The following NAV3 variants were observed in gnomAD, a reference collection of about 807,000 sequenced individuals.
NAV3 encodes the protein pore membrane and/or filament interacting like protein 1.
A neutral mutation model predicts 244.7 loss-of-function variants in NAV3; 87 were observed. The ratio of observed to expected loss-of-function variants is 0.36; its 90% CI spans 0.30 to 0.42. NAV3 has a LOEUF of 0.42. Among genes scored for constraint, NAV3 ranks in the 20% least tolerant of loss-of-function variants. The pLI, the probability that NAV3 is intolerant of heterozygous loss-of-function variation, is 1.00. For missense variants in NAV3, 2,663 were observed against 2,893.3 expected, an observed-to-expected ratio of 0.92 and a Z score of 1.83; for synonymous variants, 1,126 against 1,042.2, an observed-to-expected ratio of 1.08 and a Z score of -1.55.
chr12:78,089,755 G>A (rs1466982681), intron 12 of NAV3, among the ~76,000 whole-genome samples: 1 of 152,092 alleles, frequency 6.6e-6, no homozygotes, highest in Non-Finnish European at 1.5e-5. Flanking sequence ...CATCCATCCT[G>A]TTGACAGTAC....
chr12:77,634,923 A>T (rs572388153), intron 2 of NAV3, among the ~76,000 whole-genome samples: 23 of 146,718 alleles, frequency 1.6e-4, no homozygotes, highest in Admixed American at 4.7e-4. Context: ...TTATTTATTT[A>T]TTTTTTAAGA....
intron 2 of NAV3, among the ~76,000 whole-genome samples, chr12:77,774,678 T>C (rs1775023989): frequency 6.6e-6 from 1 of 152,160 alleles, no homozygotes; most frequent in African/African-American, 2.4e-5. Flanking sequence ...CTCTGCAAAA[T>C]ACTCCTGCAG....
intron 8 of NAV3, 43 bp from the exon 9 acceptor site, chr12:78,021,704 G>A (rs768606078): frequency 7.5e-7 from 1 of 1,337,534 alleles, no homozygotes. Flanking sequence ...AGTGACTAGT[G>A]ACTATAACTG....
At chr12:77,762,111 A>C (rs1445534272) in intron 2 of NAV3, among the ~76,000 whole-genome samples, 8 of 152,232 alleles carry the variant, frequency 5.3e-5, no homozygotes, top group Admixed American at 5.2e-4. Flanking sequence ...AAAAAGGATG[A>C]GTTCATGTCC....
chr12:77,863,096 GT>G (rs1879490950), intron 1 of NAV3, among the ~76,000 whole-genome samples: 1 of 151,728 alleles, frequency 6.6e-6, no homozygotes, highest in South Asian at 2.1e-4. Context: ...AAAAATCTTT[GT>G]TAAATTATTT....
rs752610724 is a variant in NAV3, at chr12:78,119,774, C to T, written c.3578C>T (p.Thr1193Ile). ...KIGSGRSSPV[T>I]VNQTDKEKEK... is the part of the protein sequence containing the mutation. ...GGGTCAGGGCGCTCGAGTCCTGTCA[C>T]CGTCAACCAAACAGACAAGGAAAAG... Residue 1193 changes from threonine (T) to isoleucine (I), a missense_variant, in exon 15 of 40, where the codon ACC (threonine) becomes ATC (isoleucine). Around this residue, in one of 6 missense-constraint regions of NAV3, gnomAD observed 1,521 missense variants for 1,497.0 expected, o/e 1.02. Coordinates refer to ENST00000397909, the MANE Select transcript of NAV3 (RefSeq NM_001024383.2). The T allele has an allele frequency of 1.2e-6, 2 of 1,614,046 alleles. No homozygotes were observed. Among genetic ancestry groups the T allele is most frequent in the South Asian group, 2.2e-5 (2 of 91,054 alleles).
rs1879589365 is a variant in NAV3, at chr12:78,034,877, A to T, written c.2023+13015A>T. The stretch of plus-strand genomic sequence containing the variant: ...AGGAGCATAACTGTCAGTTTCAATT[A>T]TCTGATATTTGTACTGTAATTTTAT... On this transcript the variant is annotated intron_variant, in intron 9 of 39. Transcript: ENST00000397909. Among the ~76,000 whole-genome samples, 5 of 152,200 alleles carry T rather than the reference A, an allele frequency of 3.3e-5. No individual in the cohort carries two copies. The South Asian group carries it at 1.0e-3, about 31-fold the overall frequency.
At position 78,007,508 on chromosome 12, in the gene NAV3, T is replaced by C; in HGVS notation, c.1907+63T>C. 6 of 1,504,834 alleles carry C rather than the reference T, an allele frequency of 4.0e-6. No homozygotes were observed. In the South Asian group the frequency reaches 7.7e-5, roughly 19 times the overall value. 93.2% of individuals were successfully genotyped at this position (1,504,834 alleles called of 1,614,324 possible). ...TTTACAGGCCTACATACTCAGAGTG[T>C]AATAGGGAAGGCTGATAAAGTGGTG... On this transcript the variant is annotated intron_variant, in intron 8 of 39. Coordinates refer to ENST00000397909, the MANE Select transcript of NAV3 (RefSeq NM_001024383.2).
At chr12:77,717,656 T>G (rs969629671) in intron 2 of NAV3, among the ~76,000 whole-genome samples, 3 of 152,118 alleles carry the variant, frequency 2.0e-5, no homozygotes, top group Non-Finnish European at 4.4e-5. Flanking sequence ...TTATTTTTAT[T>G]TTTAAAGGAA....
At chr12:78,136,577 C>T (rs1956381763) in intron 18 of NAV3, among the ~76,000 whole-genome samples, 1 of 152,026 alleles carries the variant, frequency 6.6e-6, no homozygotes, top group African/African-American at 2.4e-5. Context: ...ATATAATTAA[C>T]TTTATGGTGG....
At chr12:77,737,292 C>T (rs1448901705) in intron 2 of NAV3, among the ~76,000 whole-genome samples, 1 of 149,438 alleles carries the variant, frequency 6.7e-6, no homozygotes, top group African/African-American at 2.5e-5. Flanking sequence ...GCTGCGTTCA[C>T]CCAAAAAATG....
intron 2 of NAV3, among the ~76,000 whole-genome samples, chr12:77,792,541 T>G (rs1871228231): frequency 6.6e-6 from 1 of 152,192 alleles, no homozygotes; most frequent in African/African-American, 2.4e-5. Context: ...TTCCAGGGGC[T>G]GCTCCCAGCC....
At chr12:78,095,088 C>CACAT (rs1566123820) in intron 12 of NAV3, among the ~76,000 whole-genome samples, 17 of 133,432 alleles carry the variant, frequency 1.3e-4, no homozygotes, top group Admixed American at 3.1e-4. Context: ...CACACACACA[C>CACAT]ATATATATAT....
At chr12:77,808,491 A>T (rs1872101081) in intron 2 of NAV3, among the ~76,000 whole-genome samples, 1 of 152,114 alleles carries the variant, frequency 6.6e-6, no homozygotes, top group South Asian at 2.1e-4. Context: ...TTGCCTGGGT[A>T]TCACCAGCAG....
At chr12:77,865,608 C>T (rs1284639066) in intron 1 of NAV3, among the ~76,000 whole-genome samples, 1 of 151,878 alleles carries the variant, frequency 6.6e-6, no homozygotes, top group African/African-American at 2.4e-5. Context: ...TAATTTAAGA[C>T]AATATTGTTA....
chr12:77,967,180 A>G (rs1017484115), intron 4 of NAV3, among the ~76,000 whole-genome samples: 1 of 152,042 alleles, frequency 6.6e-6, no homozygotes, highest in Non-Finnish European at 1.5e-5. Flanking sequence ...TTCACTTTTT[A>G]TGTCTCTTCC....
At chr12:77,905,029 C>T (rs1246841707) in intron 1 of NAV3, among the ~76,000 whole-genome samples, 1 of 151,964 alleles carries the variant, frequency 6.6e-6, no homozygotes, top group African/African-American at 2.4e-5. Flanking sequence ...ATATTTAATG[C>T]TTTGTGATAG....
intron 24 of NAV3, among the ~76,000 whole-genome samples, chr12:78,171,311 G>A (rs1391845045): frequency 6.6e-6 from 1 of 151,682 alleles, no homozygotes; most frequent in Non-Finnish European, 1.5e-5. Flanking sequence ...GATTTAAAAA[G>A]CCTTAATCCT....
At chr12:77,608,217 G>T (rs1870756669) in intron 2 of NAV3, among the ~76,000 whole-genome samples, 1 of 152,016 alleles carries the variant, frequency 6.6e-6, no homozygotes, top group South Asian at 2.1e-4. Context: ...CCATAAAATT[G>T]TCAAGATATG....
Sources: gnomAD v4.1 joint callset for allele counts (sites outside exome capture counted in the v4.1 genomes callset) on GRCh38, gnomAD v4.1.1 for gene constraint, gnomAD v4.1.1 regional missense constraint, MANE v1.5 for transcripts, NCBI Gene and HGNC (gene_info 2026-07-23, HGNC 2026-07-21) for gene names.